The following SULT2B1 variants were observed in gnomAD, a reference collection of about 807,000 sequenced individuals.
SULT2B1 encodes sulfotransferase family 2B member 1.
In SULT2B1, 16 loss-of-function variants were observed where a neutral mutation model predicts 33.2. The observed-to-expected ratio is 0.48, with a 90% CI of 0.33 to 0.73. The LOEUF (loss-of-function observed/expected upper bound fraction) is 0.73, where lower values mean the gene tolerates loss of function less well. Among genes scored for constraint, SULT2B1 ranks in the 30% least tolerant of loss-of-function variants. The pLI is 0.02. For synonymous variants in SULT2B1, 186 were observed against 200.5 expected (o/e 0.93, Z 0.61); for missense variants, 500 against 506.0 (o/e 0.99, Z 0.11).
chr19:48,576,177 G>GAA, intron 2 of SULT2B1, 94 bp downstream of exon 2: 1 of 1,171,736 alleles, frequency 8.5e-7, no homozygotes, highest in Non-Finnish European at 1.2e-6. Flanking sequence ...AGGGGAGGAG[G>GAA]AAAAGTGGGG....
rs191342487 is a variant in SULT2B1, at chr19:48,563,097, T to C, written c.71+10774T>C. Among the ~76,000 whole-genome samples the C allele has an allele frequency of 1.1e-4, 17 of 152,284 alleles. 1 individual carries two copies. Among genetic ancestry groups the C allele is most frequent in the Non-Finnish European group, 1.5e-5 (1 of 68,034 alleles). The stretch of plus-strand genomic sequence containing the variant: ...AAATTTTATTAAAATAGATTTTTTG[T>C]GGAGACAGGGTCTTGCTATGTTGCC... On this transcript the variant is annotated intron_variant, in intron 1 of 6. Coordinates refer to ENST00000201586, the MANE Select transcript of SULT2B1 (RefSeq NM_177973.2).
At chr19:48,556,545 C>T (rs747866023) in intron 1 of SULT2B1, among the ~76,000 whole-genome samples, 23 of 151,936 alleles carry the variant, frequency 1.5e-4, no homozygotes, top group African/African-American at 5.3e-4. Flanking sequence ...GGAAACTCCC[C>T]GTGGTGGGCC....
intron 1 of SULT2B1, among the ~76,000 whole-genome samples, chr19:48,571,341 C>T (rs924659538): frequency 2.0e-4 from 30 of 151,872 alleles, no homozygotes; most frequent in African/African-American, 6.0e-4. Context: ...AGATTACAGG[C>T]GCCCACCACC....
intron 2 of SULT2B1, among the ~76,000 whole-genome samples, chr19:48,585,965 C>T (rs1973556559): frequency 6.6e-6 from 1 of 152,084 alleles, no homozygotes; most frequent in Non-Finnish European, 1.5e-5. Context: ...GCCTCTGCTC[C>T]CAGCACCTTG....
chr19:48,558,888 A>C (rs913725766), intron 1 of SULT2B1, among the ~76,000 whole-genome samples: 1 of 151,702 alleles, frequency 6.6e-6, no homozygotes, highest in African/African-American at 2.4e-5. Flanking sequence ...GTTTCACCAT[A>C]TAGGTCAGGC....
rs372180102 is a variant in SULT2B1 at position 48,573,359 on chromosome 19, C to T, written c.72-2582C>T. 5.9e-5 allele frequency among the ~76,000 whole-genome samples: 9 copies of T among 152,094 alleles called. 1 individual carries two copies. In the South Asian group the frequency reaches 8.3e-4, roughly 14 times the overall value. On this transcript the variant is annotated intron_variant, in intron 1 of 6. Transcript: ENST00000201586. ...CCACTCAAATCGAGCGATATCAGCA[C>T]GCCAGGCCCTGGACGTGTTTTGTGG... is the stretch of plus-strand genomic sequence containing the variant.
At chr19:48,596,952 G>A (rs370301738) in intron 6 of SULT2B1, 33 bp downstream of exon 6, 22 of 1,538,530 alleles carry the variant, frequency 1.4e-5, no homozygotes, top group Non-Finnish European at 1.9e-5. Context: ...AGCCCACTAG[G>A]CCACTGCCCG....
At position 48,555,733 on chromosome 19, in the gene SULT2B1, C is replaced by T. The variant is rs146954457; in HGVS notation, c.71+3410C>T. Among the ~76,000 whole-genome samples the T allele has an allele frequency of 9.2e-3, 1,395 of 151,578 alleles. 20 individuals are homozygous for T. Among genetic ancestry groups the T allele is most frequent in the African/African-American group, 0.032 (1,298 of 40,974 alleles). On this transcript the variant is annotated intron_variant, in intron 1 of 6. Coordinates refer to ENST00000201586, the MANE Select transcript of SULT2B1 (RefSeq NM_177973.2). Reference sequence around the variant, plus strand: ...GGGATTACAGGCATGCGCCACCACACCCAGCTAATTTTTGTTTTTTTTTGG... The same window carrying T: ...GGGATTACAGGCATGCGCCACCACATCCAGCTAATTTTTGTTTTTTTTTGG...
intron 1 of SULT2B1, among the ~76,000 whole-genome samples, chr19:48,558,678 T>C (rs1973135674): frequency 7.4e-6 from 1 of 134,756 alleles, no homozygotes; most frequent in Non-Finnish European, 1.5e-5. Flanking sequence ...TCTTTTCTTT[T>C]CTTTTTTTTT....
chr19:48,557,751 T>C (rs2147596265), intron 1 of SULT2B1, among the ~76,000 whole-genome samples: 1 of 151,702 alleles, frequency 6.6e-6, no homozygotes, highest in African/African-American at 2.4e-5. Flanking sequence ...ACCCCGTCTC[T>C]ACTAAAAATA....
chr19:48,567,084 T>C (rs920158877), intron 1 of SULT2B1, among the ~76,000 whole-genome samples: 1 of 152,086 alleles, frequency 6.6e-6, no homozygotes, highest in African/African-American at 2.4e-5. Context: ...TCCTTTTGAG[T>C]GGCTGAATTC....
chr19:48,558,692 T>C (rs1973137040), intron 1 of SULT2B1, among the ~76,000 whole-genome samples: 1 of 144,374 alleles, frequency 6.9e-6, no homozygotes, highest in Non-Finnish European at 1.5e-5. Flanking sequence ...TTTTTTTTTT[T>C]TTTTTTTTTG....
Position 48,599,165 on chromosome 19 carries a change from C to T in SULT2B1, c.857C>T (p.Thr286Met), listed in dbSNP as rs750776892. 21 of 1,594,028 alleles carry T rather than the reference C, an allele frequency of 1.3e-5. No homozygotes were observed. The highest frequency in any genetic ancestry group is 2.3e-5 in the South Asian group (2 of 88,794). The change falls in exon 7 of 7, where the codon ACG becomes ATG. Residue 286 changes from threonine to methionine, a missense_variant. By Grantham distance (81) the Thr-to-Met change is moderately conservative. Transcript: ENST00000201586. The surrounding 1 kb of genome is among the most constrained non-coding windows in gnomAD (Gnocchi z 4.1). Reference sequence around the variant, plus strand: ...TGCGGCGACTGGAAGAACCACTTCACGGTGGCCCAGAGCGAAGCCTTCGAT... The same window carrying T: ...TGCGGCGACTGGAAGAACCACTTCATGGTGGCCCAGAGCGAAGCCTTCGAT... ...GVCGDWKNHF[T>M]VAQSEAFDRA...
intron 1 of SULT2B1, among the ~76,000 whole-genome samples, chr19:48,558,208 A>G (rs2147596601): frequency 6.6e-6 from 1 of 152,280 alleles, no homozygotes; most frequent in South Asian, 2.1e-4. Context: ...ACAGCTGCCA[A>G]GCAGGGCGTA....
At chr19:48,595,592 C>A (rs201222555) in intron 5 of SULT2B1, among the ~76,000 whole-genome samples, 181 of 151,278 alleles carry the variant, frequency 1.2e-3, no homozygotes, top group East Asian at 4.1e-3. Flanking sequence ...AATGGTGAGT[C>A]CCAGAAGGAG....
At chr19:48,568,513 GCGCCA>G (rs1461256916) in intron 1 of SULT2B1, among the ~76,000 whole-genome samples, 2 of 152,096 alleles carry the variant, frequency 1.3e-5, no homozygotes, top group Non-Finnish European at 2.9e-5. Flanking sequence ...GAGTATCTCT[GCGCCA>G]CGGCCAAGGG....
chr19:48,597,314 C>A (rs974625415), intron 6 of SULT2B1, among the ~76,000 whole-genome samples: 27 of 151,152 alleles, frequency 1.8e-4, no homozygotes, highest in Non-Finnish European at 4.4e-5. Flanking sequence ...ACCGCAAACT[C>A]CATGACTCAA....
intron 3 of SULT2B1, 92 bp from the exon 4 acceptor site, chr19:48,591,517 G>A (rs1568413243): frequency 6.9e-7 from 1 of 1,439,934 alleles, no homozygotes; most frequent in Non-Finnish European, 9.3e-7. Flanking sequence ...TTCAGGGTCA[G>A]AAGAGAGGGG....
chr19:48,556,029 C>T (rs1326003912), intron 1 of SULT2B1, among the ~76,000 whole-genome samples: 1 of 152,054 alleles, frequency 6.6e-6, no homozygotes, highest in Non-Finnish European at 1.5e-5. Flanking sequence ...TGTGAGCCAC[C>T]GCGCCCGGCC....
Sources: gnomAD v4.1 joint callset for allele counts (sites outside exome capture counted in the v4.1 genomes callset) on GRCh38, gnomAD v4.1.1 for gene constraint, Gnocchi (gnomAD v3.1) non-coding constraint, MANE v1.5 for transcripts, NCBI Gene and HGNC (gene_info 2026-07-23, HGNC 2026-07-21) for gene names.